Variants in TBC1D24 observed in about 807,000 individuals in gnomAD.
TBC1D24 encodes Infantile myoclonic epilepsy.
TBC1D24 carries 47 observed loss-of-function variants against 50.7 expected under a neutral mutation model. The ratio of observed to expected loss-of-function variants is 0.93; its 90% CI spans 0.73 to 1.18. TBC1D24 has a LOEUF of 1.18. TBC1D24 is among the 50% of genes most tolerant of loss of function. The probability of loss-of-function intolerance (pLI) is 0.00; values close to 1 mark genes in which losing one functional copy is unlikely to be tolerated. For missense variants in TBC1D24, 688 were observed against 766.5 expected, an observed-to-expected ratio of 0.90 and a Z score of 1.21; for synonymous variants, 324 against 335.2, an observed-to-expected ratio of 0.97 and a Z score of 0.36.
At position 2,496,924 on chromosome 16, in the gene TBC1D24, C is replaced by T. The variant is rs779398267; in HGVS notation, c.776C>T (p.Pro259Leu). ...KFFHKVRAGQ[P>L]LESDSVKQDI... ...TTCCACAAGGTGAGGGCCGGGCAGC[C>T]GCTGGAGTCGGACAGCGTGAAGCAG... The change falls in exon 2 of 8, where the codon CCG (proline) becomes CTG (leucine). Residue 259 changes from proline (P) to leucine (L), a missense_variant. Transcript: ENST00000646147. 1.9e-5 allele frequency: 31 copies of T among 1,613,928 alleles called. No individual in the cohort carries two copies. Among genetic ancestry groups the T allele is most frequent in the South Asian group, 1.8e-4 (16 of 91,084 alleles).
intron 1 of TBC1D24, chr16:2,479,901 T>A (rs2065597553): frequency 6.6e-6 from 1 of 151,758 alleles, no homozygotes; most frequent in African/African-American, 2.4e-5. Context: ...GGTGCAATCT[T>A]GGCTCACCAC....
intron 1 of TBC1D24, among the ~76,000 whole-genome samples, chr16:2,491,453 A>T (rs1337572185): frequency 6.6e-6 from 1 of 151,754 alleles, no homozygotes; most frequent in African/African-American, 2.4e-5. Context: ...CAGTGGTACA[A>T]TCAGGTCCCA....
intron 1 of TBC1D24, chr16:2,477,062 C>A (rs896957185): frequency 6.6e-6 from 1 of 152,198 alleles, no homozygotes; most frequent in African/African-American, 2.4e-5. Context: ...TTAACATTTA[C>A]CCTGTTCAAT....
chr16:2,496,976 C>A lies in TBC1D24; in HGVS notation c.828C>A (p.Ile276=). The A allele has an allele frequency of 6.2e-7, 1 of 1,613,976 alleles. No homozygotes were observed. The highest frequency in any genetic ancestry group is 8.5e-7 in the Non-Finnish European group (1 of 1,180,044). Residue 276 remains isoleucine, a synonymous_variant, in exon 2 of 8, where the codon ATC becomes ATA. Coordinates refer to ENST00000646147, the MANE Select transcript of TBC1D24 (RefSeq NM_001199107.2). ...KQDIRTFVRD[I]AKTVSPEKLL... Reference sequence around the variant, plus strand: ...ACATCCGCACGTTCGTCAGAGACATCGCGAAGACGGTGTCCCCTGAGAAGC... The same window carrying A: ...ACATCCGCACGTTCGTCAGAGACATAGCGAAGACGGTGTCCCCTGAGAAGC...
chr16:2,477,412 A>G (rs1329089783), intron 1 of TBC1D24: 1 of 152,172 alleles, frequency 6.6e-6, no homozygotes, highest in Non-Finnish European at 1.5e-5. Context: ...GTCTCTATAA[A>G]AAATTAGCCA....
chr16:2,477,765 C>G (rs2065579956), intron 1 of TBC1D24: 1 of 152,124 alleles, frequency 6.6e-6, no homozygotes, highest in Non-Finnish European at 1.5e-5. Context: ...GGCGTGGCAT[C>G]CAGCTGGATT....
intron 1 of TBC1D24, among the ~76,000 whole-genome samples, chr16:2,488,133 C>G (rs965231191): frequency 6.6e-6 from 1 of 152,240 alleles, no homozygotes; most frequent in Non-Finnish European, 1.5e-5. Context: ...AGACGGCCCG[C>G]CTCCCAGCCC....
Position 2,483,225 on chromosome 16 carries a change from G to A in TBC1D24, c.-116+8055G>A, listed in dbSNP as rs574796222. On this transcript the variant is annotated intron_variant, in intron 1 of 7. Coordinates refer to ENST00000646147, the MANE Select transcript of TBC1D24 (RefSeq NM_001199107.2). This position sits in a 1 kb window ranked among gnomAD's most constrained non-coding sequence, Gnocchi z 4.0. ...TGTGAGCTGGAGAGGAGAGGGTGTC[G>A]GTGAGGAGTGCTGCGAAGGATGCCA... The A allele has an allele frequency of 1.6e-3, 237 of 152,632 alleles. 1 individual carries two copies. The highest frequency in any genetic ancestry group is 6.8e-3 in the Middle Eastern group (2 of 296). 9.5% of individuals were successfully genotyped at this position (152,632 alleles called of 1,614,324 possible).
Position 2,475,547 on chromosome 16 carries a change from C to G in TBC1D24, c.-116+377C>G, listed in dbSNP as rs1286685061. 6.6e-6 allele frequency among the ~76,000 whole-genome samples: 1 copy of G among 152,050 alleles called. No individual in the cohort carries two copies. The highest frequency in any genetic ancestry group is 1.5e-5 in the Non-Finnish European group (1 of 67,982). On this transcript the variant is annotated intron_variant, in intron 1 of 7. Coordinates refer to ENST00000646147, the MANE Select transcript of TBC1D24 (RefSeq NM_001199107.2). The surrounding 1 kb of genome is among the most constrained non-coding windows in gnomAD (Gnocchi z 4.2). ...AGGGTCGGAAATCCTCTTGGGGGCT[C>G]GGTGAGATTGCAACAGATTCTGATA...
chr16:2,500,282 G>T lies in TBC1D24; in HGVS notation c.1317G>T (p.Val439=). ...TTCCACCCCAGCTGCAGCCTGAGGTGCAGCGCTACGAGTGGGTGGTGATCA... is the reference window on the plus strand; with the variant it reads ...TTCCACCCCAGCTGCAGCCTGAGGTTCAGCGCTACGAGTGGGTGGTGATCA... The part of the protein sequence containing the change: ...ECFVFRLQPE[V]QRYEWVVIKH... The change falls in exon 7 of 8, where the codon GTG becomes GTT. Residue 439 remains valine, a synonymous_variant. Coordinates refer to ENST00000646147, the MANE Select transcript of TBC1D24 (RefSeq NM_001199107.2). This position sits in a 1 kb window ranked among gnomAD's most constrained non-coding sequence, Gnocchi z 8.0. 1.2e-6 allele frequency: 2 copies of T among 1,606,738 alleles called. No homozygotes were observed. The highest frequency in any genetic ancestry group is 1.3e-5 in the African/African-American group (1 of 74,854).
rs886051848 is a variant in TBC1D24, at chr16:2,501,345, T to C, written c.*387T>C. ...TGGGAGTACAACGGCAGTGGGAACG[T>C]GCAGCTAAGGGTGGGCCTGTGGTGC... On this transcript the variant is annotated 3_prime_UTR_variant, in exon 8 of 8. Coordinates refer to ENST00000646147, the MANE Select transcript of TBC1D24 (RefSeq NM_001199107.2). 1 of 282,140 alleles carries C rather than the reference T, an allele frequency of 3.5e-6. No individual in the cohort carries two copies. Among genetic ancestry groups the C allele is most frequent in the Non-Finnish European group, 7.0e-6 (1 of 143,658 alleles). 17.5% of individuals were successfully genotyped at this position (282,140 alleles called of 1,614,324 possible).
In TBC1D24 at chr16:2,485,678, A is replaced by C. The variant is rs952056052; in HGVS notation, c.-115-10356A>C. 2.6e-5 allele frequency among the ~76,000 whole-genome samples: 4 copies of C among 152,162 alleles called. No homozygotes were observed. Among genetic ancestry groups the C allele is most frequent in the Non-Finnish European group, 4.4e-5 (3 of 68,030 alleles). ...GGCTTGTGGGATCTGAGCTATCTCCAGGTAGATGTCTCCCGGTGTCGGGAT... is the reference window on the plus strand; with the variant it reads ...GGCTTGTGGGATCTGAGCTATCTCCCGGTAGATGTCTCCCGGTGTCGGGAT... On this transcript the variant is annotated intron_variant, in intron 1 of 7. Coordinates refer to ENST00000646147, the MANE Select transcript of TBC1D24 (RefSeq NM_001199107.2). The surrounding 1 kb of genome is among the most constrained non-coding windows in gnomAD (Gnocchi z 4.6).
In TBC1D24 at chr16:2,486,669, C is replaced by G. The variant is rs961384407; in HGVS notation, c.-115-9365C>G. Among the ~76,000 whole-genome samples, 71 of 152,202 alleles carry G rather than the reference C, an allele frequency of 4.7e-4. No individual in the cohort carries two copies. Among genetic ancestry groups the G allele is most frequent in the Non-Finnish European group, 2.2e-4 (15 of 68,028 alleles). On this transcript the variant is annotated intron_variant, in intron 1 of 7. Coordinates refer to ENST00000646147, the MANE Select transcript of TBC1D24 (RefSeq NM_001199107.2). The surrounding 1 kb of genome is among the most constrained non-coding windows in gnomAD (Gnocchi z 5.8). The stretch of plus-strand genomic sequence containing the variant: ...TGGCATCTGGGAGTGTGTGGGAGTG[C>G]CTTCTGTGCTGTGGGCCTCATCCCC...
In TBC1D24 at chr16:2,500,035, G is replaced by A; in HGVS notation, c.1302+105G>A. On this transcript the variant is annotated intron_variant, in intron 6 of 7. Coordinates refer to ENST00000646147, the MANE Select transcript of TBC1D24 (RefSeq NM_001199107.2). This position sits in a 1 kb window ranked among gnomAD's most constrained non-coding sequence, Gnocchi z 8.0. The stretch of plus-strand genomic sequence containing the variant: ...GACACTGTTGGGTGTCGCCATGGCA[G>A]TCACCCAGCAGCGTCATCGCCCTGT... 1 of 1,115,092 alleles carries A rather than the reference G, an allele frequency of 9.0e-7. No homozygotes were observed. Among genetic ancestry groups the A allele is most frequent in the Non-Finnish European group, 1.4e-6 (1 of 726,894 alleles). The allele number at this position is 1,115,092 out of a possible 1,614,324, so 69.1% of individuals were successfully genotyped here.
At chr16:2,481,776 T>C (rs1310896746) in intron 1 of TBC1D24, 2 of 152,266 alleles carry the variant, frequency 1.3e-5, no homozygotes, top group African/African-American at 2.4e-5. Flanking sequence ...AGCCTGCCCC[T>C]GCTCAGGCTC....
rs1344669211 is a variant in TBC1D24, at chr16:2,475,534, C to A, written c.-116+364C>A. On this transcript the variant is annotated intron_variant, in intron 1 of 7. Transcript: ENST00000646147. This position sits in a 1 kb window ranked among gnomAD's most constrained non-coding sequence, Gnocchi z 4.2. ...TTTCCGTCTCCGCAGGGTCGGAAAT[C>A]CTCTTGGGGGCTCGGTGAGATTGCA... Among the ~76,000 whole-genome samples, 1 of 151,998 alleles carries A rather than the reference C, an allele frequency of 6.6e-6. No homozygotes were observed. The highest frequency in any genetic ancestry group is 1.9e-4 in the East Asian group (1 of 5,164).
chr16:2,498,115 G>A (rs1011088382), intron 3 of TBC1D24, 123 bp from the exon 4 acceptor site: 39 of 1,324,378 alleles, frequency 2.9e-5, no homozygotes, highest in Admixed American at 2.3e-4. Context: ...AACCGGGGCC[G>A]GGGCAAGCAG....
At chr16:2,497,229 G>A in intron 2 of TBC1D24, 116 bp downstream of exon 2, 1 of 1,368,896 alleles carries the variant, frequency 7.3e-7, no homozygotes, top group Non-Finnish European at 1.0e-6. Flanking sequence ...GGTCCACCCA[G>A]CCATCTGTGC....
Position 2,505,518 on chromosome 16 carries a change from A to G in TBC1D24, c.*4560A>G, listed in dbSNP as rs1313660724. The G allele has an allele frequency of 6.6e-6, 1 of 152,220 alleles. No homozygotes were observed. The highest frequency in any genetic ancestry group is 1.5e-5 in the Non-Finnish European group (1 of 68,038). 9.4% of individuals were successfully genotyped at this position (152,220 alleles called of 1,614,324 possible). A position where few individuals can be genotyped will look rare whatever the true frequency, so the allele number is the denominator to read the frequency against. On this transcript the variant is annotated 3_prime_UTR_variant, in exon 8 of 8. Coordinates refer to ENST00000646147, the MANE Select transcript of TBC1D24 (RefSeq NM_001199107.2). ...AGTTGTGTGAATGATTTTACCTCTT[A>G]GTTCTTACGAAGGATGGTTATCGGG...
Sources: gnomAD v4.1 joint callset for allele counts (sites outside exome capture counted in the v4.1 genomes callset) on GRCh38, gnomAD v4.1.1 for gene constraint, Gnocchi (gnomAD v3.1) non-coding constraint, MANE v1.5 for transcripts, NCBI Gene and HGNC (gene_info 2026-07-23, HGNC 2026-07-21) for gene names.